The following BLK variants were observed in gnomAD, a reference collection of about 807,000 sequenced individuals.
BLK encodes the protein BLK proto-oncogene, Src family tyrosine kinase, also known as tyrosine-protein kinase Blk.
A neutral mutation model predicts 61.8 loss-of-function variants in BLK; 64 were observed. The observed-to-expected ratio is 1.03, with a 90% CI of 0.85 to 1.27. The LOEUF is 1.27. Ranked by LOEUF, BLK falls within the 50% of genes most tolerant of loss-of-function variation. BLK has a pLI of 0.00. For missense variants in BLK, 853 were observed against 660.5 expected, an observed-to-expected ratio of 1.29 and a Z score of -3.19; for synonymous variants, 351 against 272.0, an observed-to-expected ratio of 1.29 and a Z score of -2.86.
intron 1 of BLK, among the ~76,000 whole-genome samples, chr8:11,520,912 T>C (rs1799425547): frequency 2.6e-5 from 4 of 152,200 alleles, no homozygotes; most frequent in South Asian, 4.1e-4. Flanking sequence ...AAATTGTATA[T>C]AAATTTAAAT....
Position 11,564,139 on chromosome 8 carries a change from C to T in BLK, c.*31C>T, listed in dbSNP as rs1801618915. ...CGCGCCCGCCTGCGCCCCGTGCCCACCTCTGCGCGGACGACCCCGACTTCC... is the reference window on the plus strand; with the variant it reads ...CGCGCCCGCCTGCGCCCCGTGCCCATCTCTGCGCGGACGACCCCGACTTCC... On this transcript the variant is annotated 3_prime_UTR_variant, in exon 13 of 13. Coordinates refer to ENST00000259089, the MANE Select transcript of BLK (RefSeq NM_001715.3). The T allele has an allele frequency of 1.3e-6, 2 of 1,537,380 alleles. No individual in the cohort carries two copies. The highest frequency in any genetic ancestry group is 1.9e-4 in the Middle Eastern group (1 of 5,174).
intron 1 of BLK, among the ~76,000 whole-genome samples, chr8:11,511,291 T>C (rs893817596): frequency 6.6e-6 from 1 of 151,930 alleles, no homozygotes; most frequent in Non-Finnish European, 1.5e-5. Context: ...CGGGGCCTGT[T>C]GTGGGGTGGG....
chr8:11,561,025 T>C (rs1282036170), intron 10 of BLK: 1 of 628,362 alleles, frequency 1.6e-6, no homozygotes, highest in Admixed American at 2.1e-5. Flanking sequence ...CTTCCATCTC[T>C]GCAGACCCTT....
chr8:11,564,593 C>A lies in BLK; in HGVS notation c.*485C>A, dbSNP rs1169889920. On this transcript the variant is annotated 3_prime_UTR_variant, in exon 13 of 13. Coordinates refer to ENST00000259089, the MANE Select transcript of BLK (RefSeq NM_001715.3). ...GGCTTTTCTGCAATAAAGTCACGAG[C>A]GTTCGAGCTGTTCCGTGTCGTTACC... 7.3e-6 allele frequency: 3 copies of A among 411,214 alleles called. No homozygotes were observed. The highest frequency in any genetic ancestry group is 2.0e-5 in the African/African-American group (1 of 49,148). The allele number at this position is 411,214 out of a possible 1,614,324, so 25.5% of individuals were successfully genotyped here.
chr8:11,514,638 A>C (rs889115660), intron 1 of BLK, among the ~76,000 whole-genome samples: 1 of 152,166 alleles, frequency 6.6e-6, no homozygotes, highest in Non-Finnish European at 1.5e-5. Context: ...CTGTGATTGC[A>C]CTGCCCCCAC....
intron 4 of BLK, 35 bp downstream of exon 4, chr8:11,548,160 G>A (rs1353205114): frequency 6.5e-7 from 1 of 1,546,766 alleles, no homozygotes. Context: ...TGTCCCTGCA[G>A]GACCCCCCTC....
chr8:11,561,903 C>T (rs962140033), intron 11 of BLK, among the ~76,000 whole-genome samples: 26 of 151,772 alleles, frequency 1.7e-4, no homozygotes, highest in African/African-American at 4.8e-4. Context: ...ACTGCAACCT[C>T]CGCCTCCTGG....
intron 10 of BLK, chr8:11,561,067 G>T (rs764484028): frequency 5.8e-6 from 4 of 685,390 alleles, no homozygotes; most frequent in Admixed American, 2.0e-5. Context: ...GAACGAGGAG[G>T]GGGAGGGGCA....
intron 1 of BLK, among the ~76,000 whole-genome samples, chr8:11,541,048 T>C (rs1474488045): frequency 1.3e-5 from 2 of 152,150 alleles, no homozygotes; most frequent in Non-Finnish European, 2.9e-5. Context: ...GGCAGGTCAC[T>C]TGAGCTCTGG....
At chr8:11,559,392 G>GACAC (rs1199793382) in intron 10 of BLK, among the ~76,000 whole-genome samples, 2 of 86,312 alleles carry the variant, frequency 2.3e-5, no homozygotes, top group African/African-American at 4.6e-5. Context: ...CTCACACACA[G>GACAC]ACAGACACAC....
intron 1 of BLK, among the ~76,000 whole-genome samples, chr8:11,495,198 G>T (rs1436900482): frequency 2.0e-5 from 3 of 152,200 alleles, no homozygotes; most frequent in African/African-American, 7.2e-5. Context: ...ATTTTGAAAG[G>T]ATTTGTGTAA....
intron 1 of BLK, among the ~76,000 whole-genome samples, chr8:11,523,652 C>T (rs1799540723): frequency 6.6e-6 from 1 of 152,104 alleles, no homozygotes. Context: ...ATATTTATCA[C>T]ATAAAGAGGT....
intron 5 of BLK, among the ~76,000 whole-genome samples, chr8:11,549,657 GCAA>G (rs1438125775): frequency 6.6e-6 from 1 of 152,228 alleles, no homozygotes; most frequent in East Asian, 1.9e-4. Flanking sequence ...CTGAGGCCCA[GCAA>G]CGAGTCTTCT....
Position 11,563,989 on chromosome 8 carries a change from GGCGTCATC to G in BLK, c.1402_1409del (p.Val468ArgfsTer?). The G allele has an allele frequency of 6.2e-7, 1 of 1,606,034 alleles. No homozygotes were observed. The highest frequency in any genetic ancestry group is 1.1e-5 in the South Asian group (1 of 90,964). On this transcript the variant is annotated frameshift_variant, in exon 13 of 13. Coordinates refer to ENST00000259089, the MANE Select transcript of BLK (RefSeq NM_001715.3). LOFTEE classifies it high-confidence loss of function. ...CACCTGCCCGCCCGAGCTGTACCGC[GGCGTCATC>G]GCCGAGTGCTGGCGCAGCCGGCCCG...
intron 1 of BLK, among the ~76,000 whole-genome samples, chr8:11,504,094 C>T (rs1798666873): frequency 1.3e-5 from 2 of 152,272 alleles, no homozygotes; most frequent in Admixed American, 1.3e-4. Flanking sequence ...GAGGCCGAGG[C>T]AGGCGGATCA....
chr8:11,517,298 G>T lies in BLK; in HGVS notation c.-2+22707G>T, dbSNP rs556918299. On this transcript the variant is annotated intron_variant, in intron 1 of 12. Coordinates refer to ENST00000259089, the MANE Select transcript of BLK (RefSeq NM_001715.3). The stretch of plus-strand genomic sequence containing the variant: ...ATGTGGATTTGTATGTGCAGAATAC[G>T]AGAGAAAGAGCATGAGGAAGAGAAG... Among the ~76,000 whole-genome samples, 479 of 152,342 alleles carry T rather than the reference G, an allele frequency of 3.1e-3. 1 individual carries two copies. Among genetic ancestry groups the T allele is most frequent in the African/African-American group, 0.011 (465 of 41,568 alleles).
Position 11,549,048 on chromosome 8 carries a change from G to A in BLK, c.294G>A (p.Arg98=). 1 of 1,610,638 alleles carries A rather than the reference G, an allele frequency of 6.2e-7. No individual in the cohort carries two copies. The highest frequency in any genetic ancestry group is 8.5e-7 in the Non-Finnish European group (1 of 1,178,722). ...GAACTGGAGACTGGTGGCTGGCCAG[G>A]TCACTCGTCACAGGAAGAGAAGGCT... ...LKGTGDWWLA[R]SLVTGREGYV... Residue 98 remains arginine (R), a synonymous_variant, in exon 5 of 13, where the codon AGG becomes AGA. Coordinates refer to ENST00000259089, the MANE Select transcript of BLK (RefSeq NM_001715.3).
Position 11,529,311 on chromosome 8 carries a change from G to T in BLK, c.-1-13913G>T, listed in dbSNP as rs533512151. 9.2e-5 allele frequency among the ~76,000 whole-genome samples: 14 copies of T among 152,280 alleles called. No individual in the cohort carries two copies. The South Asian group carries it at 2.9e-3, about 32-fold the overall frequency. ...AAATCAGCCTCCTTGAGCATTCGGC[G>T]ATCAGAGTTTTTAAGAATAATTTGG... On this transcript the variant is annotated intron_variant, in intron 1 of 12. Coordinates refer to ENST00000259089, the MANE Select transcript of BLK (RefSeq NM_001715.3).
intron 6 of BLK, 63 bp downstream of exon 6, chr8:11,550,325 G>T: frequency 2.0e-6 from 3 of 1,494,276 alleles, no homozygotes; most frequent in South Asian, 1.1e-5. Context: ...GCCTCCAGAG[G>T]CCTGGCCCTG....
Sources: gnomAD v4.1 joint callset for allele counts (sites outside exome capture counted in the v4.1 genomes callset) on GRCh38, gnomAD v4.1.1 for gene constraint, MANE v1.5 for transcripts, NCBI Gene and HGNC (gene_info 2026-07-23, HGNC 2026-07-21) for gene names.